The following PPP2R5C variants were observed in gnomAD, a reference collection of about 807,000 sequenced individuals.
PPP2R5C encodes the protein serine/threonine-protein phosphatase 2A 56 kDa regulatory subunit gamma isoform.
A neutral mutation model predicts 68.9 loss-of-function variants in PPP2R5C; 7 were observed. The ratio of observed to expected loss-of-function variants is 0.10; its 90% CI spans 0.06 to 0.19. The LOEUF (loss-of-function observed/expected upper bound fraction) is 0.19. PPP2R5C is among the 10% of genes least tolerant of loss of function. The pLI is 1.00. For missense variants in PPP2R5C, 348 were observed against 641.3 expected (o/e 0.54, Z 4.94); for synonymous variants, 210 against 222.2 (o/e 0.95, Z 0.49).
At chr14:101,824,186 T>C in intron 1 of PPP2R5C, 1 of 1,254,716 alleles carries the variant, frequency 8.0e-7, no homozygotes, top group African/African-American at 1.5e-5. Context: ...GTAAACTTAC[T>C]ATTGGTAAAG....
chr14:101,821,607 T>C (rs962075709), intron 1 of PPP2R5C, among the ~76,000 whole-genome samples: 1 of 152,190 alleles, frequency 6.6e-6, no homozygotes, highest in Non-Finnish European at 1.5e-5. Context: ...TATACGTTTT[T>C]AGGATCTTGG....
chr14:101,842,032 C>T (rs758295630), intron 1 of PPP2R5C, among the ~76,000 whole-genome samples: 1 of 152,184 alleles, frequency 6.6e-6, no homozygotes, highest in Non-Finnish European at 1.5e-5. Context: ...AGGTTCCCCC[C>T]ACCAAACCCT....
intron 13 of PPP2R5C, among the ~76,000 whole-genome samples, chr14:101,924,443 A>ATTTTTTTTTTTTTTTT (rs2047175999): frequency 1.8e-5 from 1 of 56,856 alleles, no homozygotes; most frequent in Non-Finnish European, 3.2e-5. Flanking sequence ...AAATTTCTAC[A>ATTTTTTTTTTTTTTTT]TCTTTTTTTT....
chr14:101,763,072 C>A, intron 2 of PPP2R5C, 102 bp downstream of exon 2: 1 of 1,033,306 alleles, frequency 9.7e-7, no homozygotes, highest in Admixed American at 2.8e-5. Context: ...AAATGTTTCC[C>A]TATGTGAGGT....
intron 3 of PPP2R5C, among the ~76,000 whole-genome samples, chr14:101,787,746 G>C (rs899219295): frequency 1.5e-5 from 2 of 134,950 alleles, no homozygotes; most frequent in Admixed American, 8.2e-5. Context: ...CAGCCTGGGC[G>C]ACAGAGCGAG....
chr14:101,766,419 G>C (rs1374089146), intron 2 of PPP2R5C: 1 of 152,148 alleles, frequency 6.6e-6, no homozygotes, highest in Non-Finnish European at 1.5e-5. Flanking sequence ...TTTAAGATTA[G>C]GCTATTTTTA....
In PPP2R5C at chr14:101,882,334, C is replaced by T. The variant is rs774394868; in HGVS notation, c.405+63C>T. 14 of 1,348,620 alleles carry T rather than the reference C, an allele frequency of 1.0e-5. No individual in the cohort carries two copies. The South Asian group carries it at 1.7e-4, about 17-fold the overall frequency. 83.5% of individuals were successfully genotyped at this position (1,348,620 alleles called of 1,614,324 possible). ...TGACACATGGGAATGGCCTGGGATC[C>T]ACAGAGCGGGCGCACTGGTCTGGCC... On this transcript the variant is annotated intron_variant, in intron 3 of 13. Coordinates refer to ENST00000334743, the Ensembl canonical transcript of PPP2R5C. This position sits in a 1 kb window ranked among gnomAD's most constrained non-coding sequence, Gnocchi z 4.9.
chr14:101,915,635 A>G lies in PPP2R5C; in HGVS notation c.1327-2196A>G, dbSNP rs752409475. Among the ~76,000 whole-genome samples the G allele has an allele frequency of 1.3e-5, 2 of 152,162 alleles. No individual in the cohort carries two copies. The highest frequency in any genetic ancestry group is 4.8e-5 in the African/African-American group (2 of 41,438). On this transcript the variant is annotated intron_variant, in intron 12 of 13. Transcript: ENST00000334743. The surrounding 1 kb of genome is among the most constrained non-coding windows in gnomAD (Gnocchi z 4.2). ...CGCAAGTCTCAGGAGTCTTGCAGCC[A>G]CTTAGGTTTCTGTATCTCCCACCTG...
In PPP2R5C at chr14:101,899,772, T is replaced by C. The variant is rs1344490988; in HGVS notation, c.853-1947T>C. ...AGGAACACAATAAATACTTATTCAATAGTTTTGAGCTAGGAGAACCATTAA... is the reference window on the plus strand; with the variant it reads ...AGGAACACAATAAATACTTATTCAACAGTTTTGAGCTAGGAGAACCATTAA... On this transcript the variant is annotated intron_variant, in intron 8 of 13. Coordinates refer to ENST00000334743, the Ensembl canonical transcript of PPP2R5C. This position sits in a 1 kb window ranked among gnomAD's most constrained non-coding sequence, Gnocchi z 4.2. 6.6e-6 allele frequency among the ~76,000 whole-genome samples: 1 copy of C among 152,220 alleles called. No individual in the cohort carries two copies. The highest frequency in any genetic ancestry group is 2.4e-5 in the African/African-American group (1 of 41,458).
intron 2 of PPP2R5C, among the ~76,000 whole-genome samples, chr14:101,858,705 C>T (rs763959887): frequency 6.6e-6 from 1 of 151,858 alleles, no homozygotes; most frequent in African/African-American, 2.4e-5. Flanking sequence ...TATATAAATT[C>T]TATATTAAGT....
At chr14:101,909,806 C>G (rs1331032928) in intron 11 of PPP2R5C, 116 bp downstream of exon 13, 2 of 606,048 alleles carry the variant, frequency 3.3e-6, no homozygotes, top group African/African-American at 1.8e-5. Flanking sequence ...AAAACCAAGC[C>G]TTTCATACTT....
chr14:101,848,287 C>G (rs569925252), intron 1 of PPP2R5C, among the ~76,000 whole-genome samples: 74 of 152,120 alleles, frequency 4.9e-4, no homozygotes, highest in Admixed American at 1.2e-3. Context: ...AATCCCAGCA[C>G]TTTGGGAGGC....
chr14:101,901,975 G>T, intron 9 of PPP2R5C, 86 bp downstream of exon 11: 3 of 1,435,368 alleles, frequency 2.1e-6, no homozygotes, highest in South Asian at 1.3e-5. Flanking sequence ...GCCATGCTTT[G>T]CCTCTCATGC....
intron 2 of PPP2R5C, chr14:101,765,528 C>A: frequency 2.7e-5 from 9 of 329,092 alleles, no homozygotes; most frequent in Non-Finnish European, 3.4e-5. Flanking sequence ...TTAACCTGAA[C>A]AATTTAAATA....
Position 101,819,470 on chromosome 14 carries a change from A to G in PPP2R5C, c.94+9434A>G, listed in dbSNP as rs150770770. The G allele has an allele frequency of 4.6e-3, 810 of 176,160 alleles. 8 individuals carry two copies. Among genetic ancestry groups the G allele is most frequent in the African/African-American group, 0.018 (759 of 42,514 alleles). The allele number at this position is 176,160 out of a possible 1,614,324, so 10.9% of individuals were successfully genotyped here. On this transcript the variant is annotated intron_variant, in intron 1 of 13. Transcript: ENST00000334743. ...AGCAGGACAGCGGTGTTCAGCTAGC[A>G]ACACACCAGTCTGACCCAAGAATGT...
At chr14:101,827,715 C>T (rs1238793478) in intron 1 of PPP2R5C, among the ~76,000 whole-genome samples, 1 of 152,170 alleles carries the variant, frequency 6.6e-6, no homozygotes, top group East Asian at 1.9e-4. Flanking sequence ...AATCAGTTCT[C>T]GGCCATAAGT....
intron 2 of PPP2R5C, among the ~76,000 whole-genome samples, chr14:101,867,984 G>T (rs909169578): frequency 1.3e-5 from 2 of 152,128 alleles, no homozygotes; most frequent in African/African-American, 4.8e-5. Context: ...GCCGGGTCCT[G>T]GGGGAGGTCT....
At chr14:101,898,793 C>G (rs2045511786) in intron 8 of PPP2R5C, among the ~76,000 whole-genome samples, 1 of 152,248 alleles carries the variant, frequency 6.6e-6, no homozygotes, top group Admixed American at 6.5e-5. Context: ...TAAGAACATT[C>G]AGACCCTCAT....
At chr14:101,921,540 A>AT (rs1350132464) in intron 13 of PPP2R5C, among the ~76,000 whole-genome samples, 2 of 151,888 alleles carry the variant, frequency 1.3e-5, no homozygotes, top group Non-Finnish European at 2.9e-5. Context: ...AAAAAAAAAA[A>AT]GGTACCGGGA....
Sources: allele counts gnomAD v4.1 joint callset (sites outside exome capture counted in the v4.1 genomes callset), GRCh38; gene constraint gnomAD v4.1.1; non-coding constraint Gnocchi (gnomAD v3.1); transcripts MANE v1.5; gene names NCBI Gene and HGNC (gene_info 2026-07-23, HGNC 2026-07-21).